Variants in ZNF827 observed in about 807,000 individuals in gnomAD.
ZNF827 encodes the protein zinc finger protein 827.
In ZNF827, 13 loss-of-function variants were observed where a neutral mutation model predicts 102.4. The ratio of observed to expected loss-of-function variants is 0.13; its 90% CI spans 0.08 to 0.20. The LOEUF (loss-of-function observed/expected upper bound fraction) is 0.20, where lower values mean the gene tolerates loss of function less well. Among genes scored for constraint, ZNF827 ranks in the 10% least tolerant of loss-of-function variants. The probability of loss-of-function intolerance (pLI) is 1.00; values close to 1 mark genes in which losing one functional copy is unlikely to be tolerated. For missense variants in ZNF827, 1,103 were observed against 1,344.4 expected, an observed-to-expected ratio of 0.82 and a Z score of 2.81; for synonymous variants, 523 against 536.2, an observed-to-expected ratio of 0.98 and a Z score of 0.34.
chr4:145,823,404 C>T lies in ZNF827; in HGVS notation c.2383+18G>A. 1 of 1,603,878 alleles carries T rather than the reference C, an allele frequency of 6.2e-7. No individual in the cohort carries two copies. Among genetic ancestry groups the T allele is most frequent in the Non-Finnish European group, 8.5e-7 (1 of 1,171,672 alleles). On this transcript the variant is annotated intron_variant, in intron 8 of 14. Transcript: ENST00000508784. ...TAAGCAATCAACAGTAGAAGCAAAG[C>T]CAACAATGTTTCCATACCTGGAGCT...
intron 2 of ZNF827, among the ~76,000 whole-genome samples, chr4:145,893,891 G>T (rs769906235): frequency 6.6e-6 from 1 of 151,708 alleles, no homozygotes; most frequent in Non-Finnish European, 1.5e-5. Context: ...CATGTAAGTG[G>T]CATTTTTAAA....
In ZNF827 at chr4:145,918,442, A is replaced by G. The variant is rs574307094; in HGVS notation, c.44-15227T>C. On this transcript the variant is annotated intron_variant, in intron 1 of 14. Coordinates refer to ENST00000508784, the MANE Select transcript of ZNF827 (RefSeq NM_001306215.2). Reference sequence around the variant, plus strand: ...AAAAAAAAAAGCGGAATGGTGCTCTAAAACAGCGATGAGCTAAGATTGCAC... The same window carrying G: ...AAAAAAAAAAGCGGAATGGTGCTCTGAAACAGCGATGAGCTAAGATTGCAC... Among the ~76,000 whole-genome samples, 330 of 150,992 alleles carry G rather than the reference A, an allele frequency of 2.2e-3. 6 individuals carry two copies. The highest frequency in any genetic ancestry group is 7.4e-3 in the African/African-American group (303 of 41,140).
In ZNF827 at chr4:145,763,191, G is replaced by A; in HGVS notation, c.3231-69C>T. 1 of 1,477,604 alleles carries A rather than the reference G, an allele frequency of 6.8e-7. No homozygotes were observed. Among genetic ancestry groups the A allele is most frequent in the Non-Finnish European group, 9.1e-7 (1 of 1,101,260 alleles). 91.5% of individuals were successfully genotyped at this position (1,477,604 alleles called of 1,614,324 possible). The stretch of plus-strand genomic sequence containing the variant: ...ATTATGAACAGGATATAGAGTACAA[G>A]CAGTTCCATCACAGAAAAGCAATTT... On this transcript the variant is annotated intron_variant, in intron 13 of 14. Transcript: ENST00000508784. The surrounding 1 kb of genome is among the most constrained non-coding windows in gnomAD (Gnocchi z 4.6).
chr4:145,917,228 G>A (rs2126947589), intron 1 of ZNF827, among the ~76,000 whole-genome samples: 1 of 152,276 alleles, frequency 6.6e-6, no homozygotes, highest in Middle Eastern at 3.4e-3. Flanking sequence ...CCACTTCTTA[G>A]TACCAATTTT....
chr4:145,804,057 T>C (rs1283233653), intron 8 of ZNF827, among the ~76,000 whole-genome samples: 1 of 152,224 alleles, frequency 6.6e-6, no homozygotes, highest in Admixed American at 6.5e-5. Flanking sequence ...CGGTGGAAAT[T>C]TCTATTAAAA....
At chr4:145,860,813 C>A (rs886520714) in intron 5 of ZNF827, among the ~76,000 whole-genome samples, 2 of 152,162 alleles carry the variant, frequency 1.3e-5, no homozygotes, top group African/African-American at 4.8e-5. Flanking sequence ...AGCTTGATAG[C>A]GGGGAAACAC....
intron 1 of ZNF827, among the ~76,000 whole-genome samples, chr4:145,935,622 T>G (rs1006289869): frequency 2.0e-5 from 3 of 152,240 alleles, no homozygotes; most frequent in Non-Finnish European, 4.4e-5. Context: ...TGCTTCTTAC[T>G]TCAGTAAAAG....
At chr4:145,908,432 C>T (rs1199097267) in intron 1 of ZNF827, among the ~76,000 whole-genome samples, 1 of 152,196 alleles carries the variant, frequency 6.6e-6, no homozygotes, top group Non-Finnish European at 1.5e-5. Flanking sequence ...GGTATGTTCA[C>T]CTGGTACCTA....
intron 1 of ZNF827, among the ~76,000 whole-genome samples, chr4:145,937,877 A>G (rs1476361458): frequency 3.7e-5 from 5 of 134,150 alleles, no homozygotes; most frequent in Non-Finnish European, 8.1e-5. Context: ...CCCAAACGCC[A>G]TGTCACGGCC....
chr4:145,937,880 T>G (rs1258127337), intron 1 of ZNF827, among the ~76,000 whole-genome samples: 1 of 144,694 alleles, frequency 6.9e-6, no homozygotes, highest in African/African-American at 2.6e-5. Flanking sequence ...AAACGCCATG[T>G]CACGGCCCCC....
At chr4:145,829,048 C>T (rs1450772252) in intron 7 of ZNF827, among the ~76,000 whole-genome samples, 2 of 151,942 alleles carry the variant, frequency 1.3e-5, no homozygotes, top group Non-Finnish European at 2.9e-5. Context: ...AATAACAAAA[C>T]CAAAAGAAAA....
intron 4 of ZNF827, among the ~76,000 whole-genome samples, chr4:145,873,851 CTAGTTCA>C (rs1413351900): frequency 2.6e-5 from 4 of 152,170 alleles, no homozygotes; most frequent in Non-Finnish European, 4.4e-5. Context: ...CAAGGGCACC[CTAGTTCA>C]TCACGACAGA....
chr4:145,886,476 C>T (rs1391522332), intron 3 of ZNF827, among the ~76,000 whole-genome samples: 1 of 152,070 alleles, frequency 6.6e-6, no homozygotes, highest in East Asian at 1.9e-4. Flanking sequence ...TATTATAAAC[C>T]CAGCACAATC....
chr4:145,846,107 C>A, intron 6 of ZNF827, 94 bp from the exon 7 acceptor site: 2 of 1,178,002 alleles, frequency 1.7e-6, no homozygotes, highest in South Asian at 1.3e-5. Context: ...CAACATCTCT[C>A]TTTTTCCTTT....
At chr4:145,931,910 T>C (rs1408335417) in intron 1 of ZNF827, among the ~76,000 whole-genome samples, 3 of 151,998 alleles carry the variant, frequency 2.0e-5, no homozygotes, top group Non-Finnish European at 4.4e-5. Context: ...AATGTTGGTG[T>C]CCCCCCCAAA....
At chr4:145,906,778 T>C (rs568209050) in intron 1 of ZNF827, among the ~76,000 whole-genome samples, 5 of 152,266 alleles carry the variant, frequency 3.3e-5, no homozygotes, top group Non-Finnish European at 5.9e-5. Context: ...CAGAACTGTT[T>C]GTGGCTCCTA....
chr4:145,849,396 A>T lies in ZNF827; in HGVS notation c.2147T>A (p.Val716Glu). 6.2e-7 allele frequency: 1 copy of T among 1,614,044 alleles called. No homozygotes were observed. Among genetic ancestry groups the T allele is most frequent in the African/African-American group, 1.3e-5 (1 of 74,974 alleles). The change falls in exon 6 of 15, where the codon GTA (valine) becomes GAA (glutamate). Residue 716 changes from valine (V) to glutamate (E), a missense_variant. Physicochemically the swap from Val to Glu is moderately radical, Grantham distance 121 (BLOSUM62 -2). Coordinates refer to ENST00000508784, the MANE Select transcript of ZNF827 (RefSeq NM_001306215.2). ...EPLQKMPEGR[V>E]PPERNLFSQD... ...ACTGAAGAGGTTTCTCTCTGGGGGT[A>T]CTCTGCCCTCTGGCATCTTCTGTAA...
chr4:145,931,518 G>A (rs1317203703), intron 1 of ZNF827, among the ~76,000 whole-genome samples: 3 of 152,282 alleles, frequency 2.0e-5, no homozygotes, highest in African/African-American at 2.4e-5. Flanking sequence ...CAAAGCTCAT[G>A]TTCTTGTAAA....
At position 145,839,781 on chromosome 4, in the gene ZNF827, T is replaced by G. The variant is rs148999485; in HGVS notation, c.2279+6175A>C. On this transcript the variant is annotated intron_variant, in intron 7 of 14. Transcript: ENST00000508784. ...TGACAGAGACTTACCAATTTACACTTCATTCCTGACTATTAGGAGTTATAA... is the reference window on the plus strand; with the variant it reads ...TGACAGAGACTTACCAATTTACACTGCATTCCTGACTATTAGGAGTTATAA... Among the ~76,000 whole-genome samples the G allele has an allele frequency of 5.9e-4, 90 of 152,326 alleles. 1 individual carries two copies. In the East Asian group the frequency reaches 0.015, roughly 26 times the overall value.
Sources: gnomAD v4.1 joint callset for allele counts (sites outside exome capture counted in the v4.1 genomes callset) on GRCh38, gnomAD v4.1.1 for gene constraint, Gnocchi (gnomAD v3.1) non-coding constraint, MANE v1.5 for transcripts, NCBI Gene and HGNC (gene_info 2026-07-23, HGNC 2026-07-21) for gene names.